Variants in GAP43 observed in about 807,000 individuals in gnomAD.
The protein encoded by GAP43 is neuromodulin.
A neutral mutation model predicts 18.6 loss-of-function variants in GAP43; 6 were observed. The ratio of observed to expected loss-of-function variants is 0.32; its 90% CI spans 0.18 to 0.64. The LOEUF (loss-of-function observed/expected upper bound fraction) is 0.64, where lower values mean the gene tolerates loss of function less well. GAP43 is among the 30% of genes least tolerant of loss of function. The pLI is 0.78. For missense variants in GAP43, 292 were observed against 295.5 expected (o/e 0.99, Z 0.09); for synonymous variants, 115 against 111.4 (o/e 1.03, Z -0.20).
chr3:115,682,041 T>C (rs1400962909), intron 2 of GAP43, among the ~76,000 whole-genome samples: 2 of 152,208 alleles, frequency 1.3e-5, no homozygotes, highest in Non-Finnish European at 2.9e-5. Flanking sequence ...CTTTGGATAA[T>C]TGGATATTCC....
intron 1 of GAP43, among the ~76,000 whole-genome samples, chr3:115,642,867 A>G (rs1370414843): frequency 6.6e-6 from 1 of 151,990 alleles, no homozygotes; most frequent in East Asian, 1.9e-4. Flanking sequence ...TTCTTAAAGG[A>G]CTAGTTTCTG....
chr3:115,662,705 C>A (rs551257510), intron 1 of GAP43, among the ~76,000 whole-genome samples: 1 of 152,114 alleles, frequency 6.6e-6, no homozygotes, highest in Non-Finnish European at 1.5e-5. Context: ...GTAAAGCTCC[C>A]CATTGTTGGA....
intron 2 of GAP43, among the ~76,000 whole-genome samples, chr3:115,677,710 G>A (rs1028526746): frequency 3.3e-5 from 5 of 152,226 alleles, no homozygotes; most frequent in Non-Finnish European, 7.3e-5. Context: ...AACCAATGAT[G>A]TTTGTCATCC....
intron 2 of GAP43, among the ~76,000 whole-genome samples, chr3:115,715,895 T>A (rs983273364): frequency 1.3e-5 from 2 of 152,204 alleles, no homozygotes; most frequent in African/African-American, 4.8e-5. Flanking sequence ...TAAAATCTGC[T>A]GAGATAACTC....
rs1709507179 is a variant in GAP43, at chr3:115,716,714, ACAAATATATATATATAT to A, written c.629-4079_629-4063del. On this transcript the variant is annotated intron_variant, in intron 2 of 2. Coordinates refer to ENST00000305124, the MANE Select transcript of GAP43 (RefSeq NM_002045.4). The stretch of plus-strand genomic sequence containing the variant: ...AAGTAAAAAATTACTTTAATCTCAG[ACAAATATATATATATAT>A]ATATATATATATATATATATATATA... Among the ~76,000 whole-genome samples the A allele has an allele frequency of 9.1e-3, 585 of 63,996 alleles. 20 individuals are homozygous for A. The highest frequency in any genetic ancestry group is 0.026 in the East Asian group (49 of 1,868). The allele number at this position is 63,996 out of a possible 152,430, so 42.0% of individuals were successfully genotyped here.
Position 115,696,582 on chromosome 3 carries a change from C to G in GAP43, c.628+19972C>G, listed in dbSNP as rs879395326. Among the ~76,000 whole-genome samples, 20 of 123,854 alleles carry G rather than the reference C, an allele frequency of 1.6e-4. 1 individual carries two copies. Among genetic ancestry groups the G allele is most frequent in the African/African-American group, 2.9e-4 (9 of 31,562 alleles). 81.3% of individuals were successfully genotyped at this position (123,854 alleles called of 152,430 possible). On this transcript the variant is annotated intron_variant, in intron 2 of 2. Transcript: ENST00000305124. ...ATTTCCTTGCTGCCCCCCACCGCCC[C>G]CCCCCCCCACAAACAGGTATGCTCA... is the stretch of plus-strand genomic sequence containing the variant.
Position 115,683,443 on chromosome 3 carries a change from G to A in GAP43, c.628+6833G>A, listed in dbSNP as rs571033685. Among the ~76,000 whole-genome samples the A allele has an allele frequency of 1.1e-4, 16 of 152,208 alleles. No individual in the cohort carries two copies. The South Asian group carries it at 1.9e-3, about 18-fold the overall frequency. On this transcript the variant is annotated intron_variant, in intron 2 of 2. Coordinates refer to ENST00000305124, the MANE Select transcript of GAP43 (RefSeq NM_002045.4). ...TATCTCAGTAGAGGTTTCTAATCCC[G>A]TCTTACACTTGAGATTGAATATAAA...
At chr3:115,650,580 G>T (rs1708509468) in intron 1 of GAP43, among the ~76,000 whole-genome samples, 1 of 151,870 alleles carries the variant, frequency 6.6e-6, no homozygotes, top group Non-Finnish European at 1.5e-5. Context: ...TTGACTTGAA[G>T]TGGGACATTA....
chr3:115,629,283 C>T (rs939658292), intron 1 of GAP43, among the ~76,000 whole-genome samples: 1 of 152,164 alleles, frequency 6.6e-6, no homozygotes, highest in Non-Finnish European at 1.5e-5. Context: ...AACACCACAG[C>T]TATCTTTACA....
rs1553725403 is a variant in GAP43 at position 115,709,864 on chromosome 3, T to TAC, written c.629-10922_629-10921dup. Among the ~76,000 whole-genome samples, 25 of 131,062 alleles carry TAC rather than the reference T, an allele frequency of 1.9e-4. 1 individual carries two copies. The highest frequency in any genetic ancestry group is 4.9e-4 in the South Asian group (2 of 4,074). 86.0% of individuals were successfully genotyped at this position (131,062 alleles called of 152,430 possible). A position where few individuals can be genotyped will look rare whatever the true frequency, so the allele number is the denominator to read the frequency against. On this transcript the variant is annotated intron_variant, in intron 2 of 2. Transcript: ENST00000305124. ...ACATACATATATATATATATATATA[T>TAC]ACACACACATGAGCAATTGATTTTA...
At chr3:115,652,046 C>T (rs879567868) in intron 1 of GAP43, among the ~76,000 whole-genome samples, 23 of 152,132 alleles carry the variant, frequency 1.5e-4, no homozygotes, top group Non-Finnish European at 2.5e-4. Context: ...ATCACCTTCT[C>T]ATAAAAGACA....
At chr3:115,637,174 C>T (rs540755235) in intron 1 of GAP43, among the ~76,000 whole-genome samples, 78 of 152,138 alleles carry the variant, frequency 5.1e-4, no homozygotes, top group African/African-American at 1.8e-3. Context: ...ACTACCTGTC[C>T]TTTGCTTTGG....
intron 2 of GAP43, among the ~76,000 whole-genome samples, chr3:115,715,397 G>T (rs541167747): frequency 6.6e-6 from 1 of 152,298 alleles, no homozygotes; most frequent in South Asian, 2.1e-4. Flanking sequence ...CCAGGTCATT[G>T]CTTCTACTCA....
rs1164739917 is a variant in GAP43, at chr3:115,623,602, G to A, written c.-88G>A. The A allele has an allele frequency of 1.5e-5, 23 of 1,547,752 alleles. No individual in the cohort carries two copies. Among genetic ancestry groups the A allele is most frequent in the Non-Finnish European group, 2.0e-5 (22 of 1,122,770 alleles). ...AGCGCGAGAGAGCGAGTGAGCAAGC[G>A]AGCAGAAAAGAGGTGGAGAGGGGGG... On this transcript the variant is annotated 5_prime_UTR_variant, in exon 1 of 3. Coordinates refer to ENST00000305124, the MANE Select transcript of GAP43 (RefSeq NM_002045.4).
rs1708139943 is a variant in GAP43 at position 115,623,517 on chromosome 3, C to G, written c.-173C>G. On this transcript the variant is annotated 5_prime_UTR_variant, in exon 1 of 3. Transcript: ENST00000305124. The stretch of plus-strand genomic sequence containing the variant: ...GCAATAGCTGTGGACCTTACAGTTG[C>G]TGCTAACTGCCCTGGTGTGTGTGAG... 1 of 685,840 alleles carries G rather than the reference C, an allele frequency of 1.5e-6. No homozygotes were observed. Among genetic ancestry groups the G allele is most frequent in the Non-Finnish European group, 2.5e-6 (1 of 395,556 alleles). 42.5% of individuals were successfully genotyped at this position (685,840 alleles called of 1,614,324 possible).
chr3:115,687,193 A>G (rs1280604815), intron 2 of GAP43, among the ~76,000 whole-genome samples: 1 of 151,810 alleles, frequency 6.6e-6, no homozygotes, highest in African/African-American at 2.4e-5. Context: ...AAAAATGCAA[A>G]TTTCAGAAAT....
chr3:115,666,054 G>A (rs946029000), intron 1 of GAP43, among the ~76,000 whole-genome samples: 22 of 151,080 alleles, frequency 1.5e-4, no homozygotes, highest in Non-Finnish European at 3.1e-4. Flanking sequence ...TCAGGTGAAG[G>A]TCACATATTT....
chr3:115,678,630 T>C lies in GAP43; in HGVS notation c.628+2020T>C, dbSNP rs1708922490. Among the ~76,000 whole-genome samples, 2 of 152,182 alleles carry C rather than the reference T, an allele frequency of 1.3e-5. 1 individual carries two copies. Among genetic ancestry groups the C allele is most frequent in the South Asian group, 4.2e-4 (2 of 4,818 alleles). On this transcript the variant is annotated intron_variant, in intron 2 of 2. Transcript: ENST00000305124. Reference sequence around the variant, plus strand: ...TCTCTTGCATATTTGCTTATTCTATTCATTTATTTGATTAAAAATGTGTCT... The same window carrying C: ...TCTCTTGCATATTTGCTTATTCTATCCATTTATTTGATTAAAAATGTGTCT...
At chr3:115,666,222 T>C (rs1708731441) in intron 1 of GAP43, among the ~76,000 whole-genome samples, 1 of 152,134 alleles carries the variant, frequency 6.6e-6, no homozygotes, top group African/African-American at 2.4e-5. Flanking sequence ...ACTTTGACAA[T>C]GTAAACAGAT....
Sources: gnomAD v4.1 joint callset for allele counts (sites outside exome capture counted in the v4.1 genomes callset) on GRCh38, gnomAD v4.1.1 for gene constraint, MANE v1.5 for transcripts, NCBI Gene and HGNC (gene_info 2026-07-23, HGNC 2026-07-21) for gene names.